Variants in WIF1 observed in about 807,000 individuals in gnomAD.
The protein encoded by WIF1 is Wnt inhibitory factor 1.
A neutral mutation model predicts 53.5 loss-of-function variants in WIF1; 35 were observed. The ratio of observed to expected loss-of-function variants is 0.65; its 90% confidence interval spans 0.50 to 0.87. The LOEUF is 0.87. WIF1 is among the 40% of genes least tolerant of loss of function. WIF1 has a pLI of 0.00. For synonymous variants in WIF1, 171 were observed against 170.4 expected (o/e 1.00, Z -0.03); for missense variants, 467 against 476.8 (o/e 0.98, Z 0.19).
intron 2 of WIF1, among the ~76,000 whole-genome samples, chr12:65,107,277 G>A: frequency 6.6e-6 from 1 of 152,206 alleles, no homozygotes; most frequent in South Asian, 2.1e-4. Flanking sequence ...AAACATGCAG[G>A]AATCAGAGTA....
chr12:65,092,423 CATATATATATGTGT>C (rs1565756826), intron 2 of WIF1, among the ~76,000 whole-genome samples: 1 of 148,590 alleles, frequency 6.7e-6, no homozygotes, highest in African/African-American at 2.5e-5. Context: ...CCAGAACATA[CATATATATATGTGT>C]ATATATATAT....
chr12:65,068,129 G>A (rs1565750715), intron 4 of WIF1, among the ~76,000 whole-genome samples: 1 of 152,118 alleles, frequency 6.6e-6, no homozygotes, highest in Non-Finnish European at 1.5e-5. Context: ...CCCTTTCAGA[G>A]GGTAAGATGA....
At chr12:65,073,305 TAAG>T (rs1882811069) in intron 3 of WIF1, among the ~76,000 whole-genome samples, 1 of 152,198 alleles carries the variant, frequency 6.6e-6, no homozygotes, top group South Asian at 2.1e-4. Context: ...AGGTCACCTA[TAAG>T]AAGATGGTCT....
At chr12:65,120,777 G>A (rs1420582825) in intron 1 of WIF1, 3 of 768,906 alleles carry the variant, frequency 3.9e-6, no homozygotes, top group African/African-American at 1.8e-5. Flanking sequence ...TGGACATGGA[G>A]TTAACCGACG....
chr12:65,114,676 CTT>C (rs1415256250), intron 2 of WIF1, among the ~76,000 whole-genome samples: 2 of 152,084 alleles, frequency 1.3e-5, no homozygotes, highest in Non-Finnish European at 2.9e-5. Context: ...TACGCTCTCT[CTT>C]GAGCATATCT....
At chr12:65,055,241 T>C in intron 8 of WIF1, 28 bp from the exon 9 acceptor site, 1 of 1,597,638 alleles carries the variant, frequency 6.3e-7, no homozygotes. Flanking sequence ...AAAAAGAGTA[T>C]TTCCTGAGCT....
At chr12:65,085,458 T>G (rs770419796) in intron 2 of WIF1, among the ~76,000 whole-genome samples, 1 of 152,184 alleles carries the variant, frequency 6.6e-6, no homozygotes, top group Non-Finnish European at 1.5e-5. Context: ...AGTTTCAGAT[T>G]TTGGAGCATT....
intron 2 of WIF1, among the ~76,000 whole-genome samples, chr12:65,112,014 G>A (rs376342587): frequency 4.4e-4 from 67 of 152,338 alleles, no homozygotes; most frequent in African/African-American, 1.4e-3. Flanking sequence ...ACATCCATAT[G>A]TCTAGCTGAG....
chr12:65,117,244 A>G (rs1200864061), intron 2 of WIF1, among the ~76,000 whole-genome samples: 3 of 152,180 alleles, frequency 2.0e-5, no homozygotes, highest in Non-Finnish European at 4.4e-5. Context: ...TGTCCAGTCA[A>G]AAAGTCTATA....
chr12:65,092,432 A>ATG (rs1555187367), intron 2 of WIF1, among the ~76,000 whole-genome samples: 5 of 148,050 alleles, frequency 3.4e-5, no homozygotes, highest in Non-Finnish European at 7.4e-5. Context: ...ACATATATAT[A>ATG]TGTGTATATA....
intron 7 of WIF1, among the ~76,000 whole-genome samples, chr12:65,058,751 TAA>T (rs1306096519): frequency 1.3e-5 from 2 of 152,148 alleles, no homozygotes; most frequent in Non-Finnish European, 2.9e-5. Flanking sequence ...CATTTTTACT[TAA>T]AGAGACTAAG....
At chr12:65,053,075 CG>C (rs1882464909) in intron 9 of WIF1, among the ~76,000 whole-genome samples, 1 of 152,124 alleles carries the variant, frequency 6.6e-6, no homozygotes, top group African/African-American at 2.4e-5. Context: ...ATAAGAGCTT[CG>C]GTTTACTCTT....
intron 2 of WIF1, among the ~76,000 whole-genome samples, chr12:65,082,230 T>G (rs1882961103): frequency 6.6e-6 from 1 of 152,074 alleles, no homozygotes; most frequent in African/African-American, 2.4e-5. Flanking sequence ...AAATCTAAAT[T>G]CTATGCCAAA....
At chr12:65,110,438 G>A (rs1181685962) in intron 2 of WIF1, among the ~76,000 whole-genome samples, 1 of 152,136 alleles carries the variant, frequency 6.6e-6, no homozygotes, top group Non-Finnish European at 1.5e-5. Context: ...CAGTTCCACT[G>A]TTACATGTCT....
At chr12:65,070,412 T>C (rs537829589) in intron 3 of WIF1, among the ~76,000 whole-genome samples, 1 of 152,298 alleles carries the variant, frequency 6.6e-6, no homozygotes, top group Admixed American at 6.5e-5. Context: ...ATCTCATATA[T>C]AAAAATGCCA....
Position 65,068,752 on chromosome 12 carries a change from A to T in WIF1, c.538+12T>A. ...ACAACATGTCTTCTCTTGAATCACC[A>T]TCGGTGCTTACCTTGTTGACATGTT... On this transcript the variant is annotated intron_variant, in intron 4 of 9. Coordinates refer to ENST00000286574, the MANE Select transcript of WIF1 (RefSeq NM_007191.5). 3 of 1,612,302 alleles carry T rather than the reference A, an allele frequency of 1.9e-6. No individual in the cohort carries two copies. The highest frequency in any genetic ancestry group is 1.7e-6 in the Non-Finnish European group (2 of 1,179,196).
chr12:65,102,865 CTA>C (rs1565759315), intron 2 of WIF1, among the ~76,000 whole-genome samples: 1 of 152,170 alleles, frequency 6.6e-6, no homozygotes, highest in Non-Finnish European at 1.5e-5. Flanking sequence ...GGACAACTAT[CTA>C]TAACCAAGTA....
At chr12:65,062,081 C>A (rs1882621217) in intron 7 of WIF1, among the ~76,000 whole-genome samples, 1 of 152,130 alleles carries the variant, frequency 6.6e-6, no homozygotes, top group Admixed American at 6.6e-5. Flanking sequence ...GGATATCTGG[C>A]AGTGAGCGGC....
intron 2 of WIF1, among the ~76,000 whole-genome samples, chr12:65,097,044 T>A (rs539826830): frequency 6.3e-4 from 92 of 146,198 alleles, no homozygotes; most frequent in Non-Finnish European, 1.3e-3. Context: ...AAGAAACAGA[T>A]CAACAGAAAA....
Sources: allele counts gnomAD v4.1 joint callset (sites outside exome capture counted in the v4.1 genomes callset), GRCh38; gene constraint gnomAD v4.1.1; transcripts MANE v1.5; gene names NCBI Gene and HGNC (gene_info 2026-07-23, HGNC 2026-07-21).